Variants in PDE5A observed in about 807,000 individuals in gnomAD.
PDE5A encodes phosphodiesterase 5A.
Under a neutral mutation model 110.2 loss-of-function variants are expected in PDE5A, and 67 were observed. The ratio of observed to expected loss-of-function variants is 0.61; its 90% confidence interval spans 0.50 to 0.75. The LOEUF is 0.75. Ranked by LOEUF, PDE5A falls within the 30% of genes least tolerant of loss-of-function variation. The probability of loss-of-function intolerance (pLI) is 0.00; values close to 1 mark genes in which losing one functional copy is unlikely to be tolerated. For synonymous variants in PDE5A, 328 were observed against 351.2 expected, an observed-to-expected ratio of 0.93 and a Z score of 0.74; for missense variants, 862 against 1,045.1, an observed-to-expected ratio of 0.82 and a Z score of 2.42.
intron 14 of PDE5A, among the ~76,000 whole-genome samples, chr4:119,517,348 G>A (rs1394962202): frequency 6.6e-6 from 1 of 151,882 alleles, no homozygotes; most frequent in African/African-American, 2.4e-5. Flanking sequence ...ATAGTTTCCT[G>A]GGTCTCCTGG....
rs1171037937 is a variant in PDE5A at position 119,517,354 on chromosome 4, C to T, written c.2000+1691G>A. On this transcript the variant is annotated intron_variant, in intron 14 of 20. Transcript: ENST00000354960. ...ATGGTACTCATAGTTTCCTGGGTCT[C>T]CTGGCTAAGAAAATTCTACTTTAAG... is the stretch of plus-strand genomic sequence containing the variant. 2.0e-5 allele frequency among the ~76,000 whole-genome samples: 3 copies of T among 151,942 alleles called. No individual in the cohort carries two copies. In the South Asian group the frequency reaches 6.2e-4, roughly 32 times the overall value.
At chr4:119,612,776 C>T (rs2389885) in intron 1 of PDE5A, among the ~76,000 whole-genome samples, 33,837 of 152,100 alleles carry the variant, frequency 0.22, 4,654 homozygotes, top group East Asian at 0.38. Flanking sequence ...GCATCTGAAA[C>T]TGTGAGCAAC....
intron 11 of PDE5A, among the ~76,000 whole-genome samples, chr4:119,526,161 A>G (rs1239651856): frequency 6.6e-6 from 1 of 152,082 alleles, no homozygotes; most frequent in Non-Finnish European, 1.5e-5. Context: ...TGAAGTGGAC[A>G]CTCTAGCTCC....
At chr4:119,616,468 A>C (rs1473645118) in intron 1 of PDE5A, among the ~76,000 whole-genome samples, 1 of 152,216 alleles carries the variant, frequency 6.6e-6, no homozygotes, top group Non-Finnish European at 1.5e-5. Flanking sequence ...TACTTTACAG[A>C]AGACTCTTGC....
At position 119,505,788 on chromosome 4, in the gene PDE5A, AG is replaced by A. The variant is rs1247958811; in HGVS notation, c.2267+66del. The A allele has an allele frequency of 3.4e-6, 3 of 884,628 alleles. No individual in the cohort carries two copies. The African/African-American group carries it at 5.3e-5, about 16-fold the overall frequency. 54.8% of individuals were successfully genotyped at this position (884,628 alleles called of 1,614,324 possible). A position where few individuals can be genotyped will look rare whatever the true frequency, so the allele number is the denominator to read the frequency against. On this transcript the variant is annotated intron_variant, in intron 17 of 20. Coordinates refer to ENST00000354960, the MANE Select transcript of PDE5A (RefSeq NM_001083.4). ...ATAATTGCAATAAAAACTAACAGTG[AG>A]GAAAAAATAGTGAGAAAATTAACTG... is the stretch of plus-strand genomic sequence containing the variant.
chr4:119,546,325 C>T (rs1193251578), intron 9 of PDE5A, among the ~76,000 whole-genome samples: 2 of 151,976 alleles, frequency 1.3e-5, no homozygotes, highest in African/African-American at 4.8e-5. Context: ...CTTGGAGATA[C>T]ATAAAATGGT....
intron 1 of PDE5A, among the ~76,000 whole-genome samples, chr4:119,625,662 C>T (rs749667629): frequency 6.6e-6 from 1 of 151,376 alleles, no homozygotes; most frequent in Non-Finnish European, 1.5e-5. Flanking sequence ...GAATCACATA[C>T]AATATTCATT....
chr4:119,604,199 C>A (rs1180789974), intron 2 of PDE5A, among the ~76,000 whole-genome samples: 1 of 152,132 alleles, frequency 6.6e-6, no homozygotes, highest in Non-Finnish European at 1.5e-5. Context: ...CAGTGCAAAT[C>A]AAGGACACTA....
At chr4:119,558,883 C>CG in intron 7 of PDE5A, among the ~76,000 whole-genome samples, 1 of 141,502 alleles carries the variant, frequency 7.1e-6, no homozygotes, top group East Asian at 2.1e-4. Flanking sequence ...CGCCACTGCA[C>CG]TCCAGCCTGG....
rs992399740 is a variant in PDE5A at position 119,539,173 on chromosome 4, A to T, written c.1573-154T>A. ...GTTTGCTGTTTTCTTCAACAGTGAA[A>T]AACCCAGATTTAGATTCCATTGCTT... is the stretch of plus-strand genomic sequence containing the variant. On this transcript the variant is annotated intron_variant, in intron 10 of 20. Transcript: ENST00000354960. 10 of 653,836 alleles carry T rather than the reference A, an allele frequency of 1.5e-5. No homozygotes were observed. The Admixed American group carries it at 1.8e-4, about 12-fold the overall frequency. 40.5% of individuals were successfully genotyped at this position (653,836 alleles called of 1,614,324 possible). A position where few individuals can be genotyped will look rare whatever the true frequency, so the allele number is the denominator to read the frequency against.
Position 119,608,138 on chromosome 4 carries a change from G to C in PDE5A, c.153-841C>G, listed in dbSNP as rs138216275. ...AATTTAATCTTGTATAGAAAAATCA[G>C]ACTTCTGTAAATATTATCCCAATAA... On this transcript the variant is annotated intron_variant, in intron 1 of 20. Transcript: ENST00000354960. Among the ~76,000 whole-genome samples, 416 of 152,232 alleles carry C rather than the reference G, an allele frequency of 2.7e-3. 3 individuals are homozygous for C. The highest frequency in any genetic ancestry group is 9.1e-3 in the African/African-American group (379 of 41,542).
intron 16 of PDE5A, among the ~76,000 whole-genome samples, chr4:119,506,538 A>G (rs560075042): frequency 1.4e-4 from 22 of 151,942 alleles, no homozygotes; most frequent in Admixed American, 8.5e-4. Flanking sequence ...GAGACACAAG[A>G]CTCAAGAAAA....
At chr4:119,572,795 T>G (rs540140352) in intron 3 of PDE5A, among the ~76,000 whole-genome samples, 14 of 152,152 alleles carry the variant, frequency 9.2e-5, no homozygotes, top group Non-Finnish European at 2.1e-4. Flanking sequence ...AAAAGACGCA[T>G]TGACAACTAC....
At position 119,524,410 on chromosome 4, in the gene PDE5A, C is replaced by T. The variant is rs78152239; in HGVS notation, c.1779+1139G>A. Among the ~76,000 whole-genome samples the T allele has an allele frequency of 7.8e-3, 1,186 of 152,168 alleles. 20 individuals carry two copies. The highest frequency in any genetic ancestry group is 0.027 in the African/African-American group (1,116 of 41,508). Reference sequence around the variant, plus strand: ...AAATGGCATGATATCCCTTAATCAACGCACTCTAACAAGAGTAAAGTATTA... The same window carrying T: ...AAATGGCATGATATCCCTTAATCAATGCACTCTAACAAGAGTAAAGTATTA... On this transcript the variant is annotated intron_variant, in intron 12 of 20. Transcript: ENST00000354960.
At chr4:119,625,722 C>A (rs1180120901) in intron 1 of PDE5A, among the ~76,000 whole-genome samples, 6 of 151,604 alleles carry the variant, frequency 4.0e-5, no homozygotes, top group African/African-American at 1.5e-4. Flanking sequence ...AATGTGAGCT[C>A]CTACTTTTAA....
chr4:119,597,846 A>G (rs1192936528), intron 2 of PDE5A, among the ~76,000 whole-genome samples: 1 of 152,132 alleles, frequency 6.6e-6, no homozygotes. Context: ...ACTTAGCTTA[A>G]AGATAATTTC....
At chr4:119,507,482 A>G (rs1725593662) in intron 16 of PDE5A, 122 bp downstream of exon 16, 1 of 648,248 alleles carries the variant, frequency 1.5e-6, no homozygotes, top group South Asian at 2.0e-5. Context: ...ACTGCTCCGT[A>G]TTCTGATAAG....
intron 16 of PDE5A, 55 bp from the exon 17 acceptor site, chr4:119,505,987 CTTTGGT>C: frequency 1.0e-6 from 1 of 976,448 alleles, no homozygotes; most frequent in Admixed American, 2.9e-5. Context: ...GGTCTTATCC[CTTTGGT>C]CCACAAAGAC....
chr4:119,540,079 G>A (rs1726872968), intron 10 of PDE5A, among the ~76,000 whole-genome samples: 1 of 151,900 alleles, frequency 6.6e-6, no homozygotes, highest in South Asian at 2.1e-4. Context: ...TTAAACCAAG[G>A]TAGTGGTTGT....
Sources: gnomAD v4.1 joint callset for allele counts (sites outside exome capture counted in the v4.1 genomes callset) on GRCh38, gnomAD v4.1.1 for gene constraint, MANE v1.5 for transcripts, NCBI Gene and HGNC (gene_info 2026-07-23, HGNC 2026-07-21) for gene names.